Variants in TTC6 observed in about 807,000 individuals in gnomAD.
TTC6 encodes the protein tetratricopeptide repeat protein 6.
TTC6 carries 172 observed loss-of-function variants against 210.4 expected under a neutral mutation model. That is an observed-to-expected ratio of 0.82 (90% CI 0.72 to 0.93). TTC6 has a LOEUF of 0.93. Ranked by LOEUF, TTC6 falls within the 40% of genes least tolerant of loss-of-function variation. TTC6 has a pLI of 0.00. For missense variants in TTC6, 2,414 were observed against 2,318.1 expected, an observed-to-expected ratio of 1.04 and a Z score of -0.85; for synonymous variants, 804 against 819.6, an observed-to-expected ratio of 0.98 and a Z score of 0.32.
intron 1 of TTC6, among the ~76,000 whole-genome samples, chr14:37,645,123 C>G (rs891018753): frequency 6.6e-6 from 1 of 152,204 alleles, no homozygotes; most frequent in Non-Finnish European, 1.5e-5. Context: ...TCCTCACCAG[C>G]TTTGTGCATT....
At chr14:37,816,343 G>A (rs2096141780) in intron 25 of TTC6, among the ~76,000 whole-genome samples, 1 of 152,076 alleles carries the variant, frequency 6.6e-6, no homozygotes, top group Admixed American at 6.6e-5. Context: ...CTCTGACATA[G>A]CCAGGGAGGG....
chr14:37,648,193 G>C (rs1780153902), intron 1 of TTC6, among the ~76,000 whole-genome samples: 1 of 152,114 alleles, frequency 6.6e-6, no homozygotes, highest in African/African-American at 2.4e-5. Context: ...GATAATAGGA[G>C]TTCTTGTTTT....
At chr14:37,681,003 A>C (rs888259291) in intron 2 of TTC6, among the ~76,000 whole-genome samples, 1 of 152,174 alleles carries the variant, frequency 6.6e-6, no homozygotes, top group East Asian at 1.9e-4. Context: ...CTATAATGTT[A>C]GAGTTACCAC....
At chr14:37,725,229 A>G (rs2095869253) in intron 7 of TTC6, among the ~76,000 whole-genome samples, 2 of 144,444 alleles carry the variant, frequency 1.4e-5, no homozygotes, top group South Asian at 4.3e-4. Context: ...ATAATTTTAT[A>G]TGTTCATATG....
intron 1 of TTC6, among the ~76,000 whole-genome samples, chr14:37,597,387 CGA>C (rs2095606654): frequency 6.6e-6 from 1 of 151,786 alleles, no homozygotes; most frequent in South Asian, 2.1e-4. Context: ...TATTTTCTAC[CGA>C]GAGTAACAAT....
At chr14:37,787,742 A>G in intron 15 of TTC6, 105 bp downstream of exon 17, 3 of 746,024 alleles carry the variant, frequency 4.0e-6, no homozygotes, top group South Asian at 8.2e-5. Flanking sequence ...TAATATGTAT[A>G]CTACTATATA....
At chr14:37,677,505 T>C (rs2095772723) in intron 1 of TTC6, among the ~76,000 whole-genome samples, 1 of 152,112 alleles carries the variant, frequency 6.6e-6, no homozygotes. Context: ...AGAGATTTTT[T>C]ATAATTAGTG....
intron 21 of TTC6, among the ~76,000 whole-genome samples, chr14:37,805,784 T>G (rs1329013274): frequency 2.0e-5 from 3 of 152,152 alleles, no homozygotes; most frequent in Admixed American, 2.0e-4. Flanking sequence ...CACTGCAACC[T>G]CTGCCTCCCA....
chr14:37,604,482 C>T (rs1291740623), intron 1 of TTC6, among the ~76,000 whole-genome samples: 1 of 152,114 alleles, frequency 6.6e-6, no homozygotes, highest in Admixed American at 6.5e-5. Flanking sequence ...GGGAGGATGC[C>T]TCCCCAAGAG....
intron 13 of TTC6, among the ~76,000 whole-genome samples, chr14:37,752,208 T>G (rs2139041777): frequency 6.6e-6 from 1 of 152,216 alleles, no homozygotes; most frequent in Non-Finnish European, 1.5e-5. Flanking sequence ...TCTCCTGACT[T>G]TAAACTCCAA....
At chr14:37,655,049 T>C (rs2095719419) in intron 1 of TTC6, among the ~76,000 whole-genome samples, 5 of 152,248 alleles carry the variant, frequency 3.3e-5, no homozygotes, top group Admixed American at 3.3e-4. Context: ...GGAGTTATTT[T>C]GGCTGCTCTT....
intron 1 of TTC6, among the ~76,000 whole-genome samples, chr14:37,663,004 T>C (rs78770943): frequency 6.7e-6 from 1 of 150,066 alleles, no homozygotes; most frequent in Non-Finnish European, 1.5e-5. Flanking sequence ...ATGATATTGA[T>C]TTTTTTTTTA....
intron 14 of TTC6, among the ~76,000 whole-genome samples, chr14:37,761,306 G>A (rs1177293073): frequency 6.6e-6 from 1 of 151,682 alleles, no homozygotes; most frequent in Non-Finnish European, 1.5e-5. Flanking sequence ...CCCTGCTTCT[G>A]CTTGCCTTCT....
intron 15 of TTC6, among the ~76,000 whole-genome samples, chr14:37,788,860 T>G (rs2096073351): frequency 6.6e-6 from 1 of 152,218 alleles, no homozygotes; most frequent in Non-Finnish European, 1.5e-5. Flanking sequence ...GAAGTTTATC[T>G]GGCTCTATCA....
At chr14:37,627,538 G>T (rs1468135432) in intron 1 of TTC6, among the ~76,000 whole-genome samples, 1 of 149,462 alleles carries the variant, frequency 6.7e-6, no homozygotes, top group Admixed American at 6.7e-5. Context: ...CCACTTATAA[G>T]TGAGAACATG....
intron 1 of TTC6, 82 bp downstream of exon 3, chr14:37,623,085 A>G (rs548768714): frequency 5.7e-6 from 5 of 881,652 alleles, no homozygotes; most frequent in Non-Finnish European, 8.1e-6. Context: ...TTTATTATGG[A>G]TAATATTTCA....
At chr14:37,829,309 A>T (rs2096179362) in intron 29 of TTC6, among the ~76,000 whole-genome samples, 1 of 151,954 alleles carries the variant, frequency 6.6e-6, no homozygotes, top group Admixed American at 6.6e-5. Flanking sequence ...TATTTTATGT[A>T]ATGCAAGTGT....
chr14:37,806,183 T>G (rs749246002), intron 21 of TTC6, among the ~76,000 whole-genome samples, 178 bp from the exon 24 acceptor site: 6 of 152,218 alleles, frequency 3.9e-5, no homozygotes, highest in Non-Finnish European at 7.3e-5. Context: ...TCAACCCTAC[T>G]TGTTTCTAAA....
At chr14:37,812,782 C>G (rs1417595169) in intron 25 of TTC6, among the ~76,000 whole-genome samples, 6 of 152,092 alleles carry the variant, frequency 3.9e-5, no homozygotes, top group African/African-American at 1.2e-4. Flanking sequence ...AAATTTTCCT[C>G]TTTTCCCTTT....
Sources: gnomAD v4.1 joint callset for allele counts (sites outside exome capture counted in the v4.1 genomes callset) on GRCh38, gnomAD v4.1.1 for gene constraint, MANE v1.5 for transcripts, NCBI Gene and HGNC (gene_info 2026-07-23, HGNC 2026-07-21) for gene names.